BICD1: variants seen among roughly 807,000 people sequenced by gnomAD.
BICD1 encodes the protein BICD cargo adaptor 1, also known as protein bicaudal D homolog 1.
Under a neutral mutation model 92.5 loss-of-function variants are expected in BICD1, and 35 were observed. The ratio of observed to expected loss-of-function variants is 0.38; its 90% confidence interval spans 0.29 to 0.50. BICD1 has a LOEUF of 0.50. Ranked by LOEUF, BICD1 falls within the 20% of genes least tolerant of loss-of-function variation. The pLI is 0.93. For missense variants in BICD1, 950 were observed against 1,189.8 expected (o/e 0.80, Z 2.97); for synonymous variants, 429 against 465.1 (o/e 0.92, Z 1.00).
At chr12:32,254,688 C>A (rs944940475) in intron 2 of BICD1, among the ~76,000 whole-genome samples, 2 of 152,096 alleles carry the variant, frequency 1.3e-5, no homozygotes, top group African/African-American at 2.4e-5. Context: ...CTGAATCGAG[C>A]CTTTGAATTA....
chr12:32,206,769 T>C (rs1362494259), intron 1 of BICD1, among the ~76,000 whole-genome samples: 1 of 152,178 alleles, frequency 6.6e-6, no homozygotes, highest in East Asian at 1.9e-4. Flanking sequence ...ATTATTAATA[T>C]GAAGTATATA....
chr12:32,187,463 G>T (rs1944448514), intron 1 of BICD1, among the ~76,000 whole-genome samples: 2 of 152,124 alleles, frequency 1.3e-5, no homozygotes, highest in Admixed American at 1.3e-4. Flanking sequence ...CACAAGGTCA[G>T]GAGTTGGAGA....
At chr12:32,235,007 C>T (rs534034427) in intron 2 of BICD1, among the ~76,000 whole-genome samples, 113 of 152,220 alleles carry the variant, frequency 7.4e-4, no homozygotes, top group African/African-American at 2.7e-3. Flanking sequence ...CTGAGGCTAT[C>T]ACAATATATA....
intron 2 of BICD1, among the ~76,000 whole-genome samples, chr12:32,242,209 C>T (rs1946255760): frequency 9.5e-6 from 1 of 105,046 alleles, no homozygotes; most frequent in African/African-American, 3.7e-5. Context: ...GAGTGAGACC[C>T]TGTCTCAAAA....
In BICD1 at chr12:32,216,491, TGA is replaced by T. The variant is rs1945367526; in HGVS notation, c.426+36_426+37del. On this transcript the variant is annotated intron_variant, in intron 2 of 9. Coordinates refer to ENST00000652176, the MANE Select transcript of BICD1 (RefSeq NM_001714.4). ...AAACAAATTCCCTATGAGAGATTTG[TGA>T]GAGGGAGAAATAAGAAAGTTCTCTC... The T allele has an allele frequency of 8.1e-6, 13 of 1,599,406 alleles. No homozygotes were observed. In the East Asian group the frequency reaches 2.9e-4, roughly 36 times the overall value.
chr12:32,136,364 C>T (rs932540431), intron 1 of BICD1, among the ~76,000 whole-genome samples: 2 of 152,168 alleles, frequency 1.3e-5, no homozygotes, highest in Non-Finnish European at 2.9e-5. Context: ...AGCTCCAAAC[C>T]AGAAGCAAAA....
At chr12:32,266,945 G>A (rs902714217) in intron 2 of BICD1, among the ~76,000 whole-genome samples, 1 of 152,084 alleles carries the variant, frequency 6.6e-6, no homozygotes, top group African/African-American at 2.4e-5. Context: ...CTCCTTGTGG[G>A]AATTAGAGCC....
Position 32,363,322 on chromosome 12 carries a change from G to A in BICD1, c.2765-4348G>A, listed in dbSNP as rs572902614. Among the ~76,000 whole-genome samples, 14 of 152,206 alleles carry A rather than the reference G, an allele frequency of 9.2e-5. No individual in the cohort carries two copies. The South Asian group carries it at 2.7e-3, about 29-fold the overall frequency. On this transcript the variant is annotated intron_variant, in intron 8 of 9. Coordinates refer to ENST00000652176, the MANE Select transcript of BICD1 (RefSeq NM_001714.4). ...TAGTCCCATCTACTCAGGAGATTGA[G>A]GCAGGAGGATTACTTGAACTCACTG...
chr12:32,198,334 A>ATATATATC (rs1944792282), intron 1 of BICD1, among the ~76,000 whole-genome samples: 1 of 132,166 alleles, frequency 7.6e-6, no homozygotes, highest in African/African-American at 2.9e-5. Context: ...ATCTATCTAT[A>ATATATATC]TATATATATA....
chr12:32,112,244 G>C (rs558950517), intron 1 of BICD1, among the ~76,000 whole-genome samples: 1 of 152,260 alleles, frequency 6.6e-6, no homozygotes, highest in Non-Finnish European at 1.5e-5. Flanking sequence ...GACCTCAGGT[G>C]ATCCGCCTGC....
intron 1 of BICD1, among the ~76,000 whole-genome samples, chr12:32,117,863 G>A (rs1027890593): frequency 6.7e-6 from 1 of 149,068 alleles, no homozygotes. Context: ...CAATTCTCCT[G>A]CCTCAGGCTC....
intron 2 of BICD1, among the ~76,000 whole-genome samples, chr12:32,256,230 T>G (rs965384626): frequency 6.6e-6 from 1 of 152,110 alleles, no homozygotes; most frequent in Non-Finnish European, 1.5e-5. Context: ...TTTTTTAATT[T>G]TTTGAGACGG....
rs746082173 is a variant in BICD1, at chr12:32,327,819, AT to A, written c.1365del (p.Tyr455Ter). On this transcript the variant is annotated frameshift_variant, in exon 5 of 10. Coordinates refer to ENST00000652176, the MANE Select transcript of BICD1 (RefSeq NM_001714.4). LOFTEE classifies it high-confidence loss of function. ...VENYTDEKAK[Y>X]ESKIQMYDEQ... ...AACTACACTGATGAGAAGGCCAAGT[AT>A]GAGAGTAAAATCCAGATGTATGATG... The A allele has an allele frequency of 2.5e-6, 4 of 1,614,148 alleles. No individual in the cohort carries two copies. The highest frequency in any genetic ancestry group is 3.4e-6 in the Non-Finnish European group (4 of 1,180,022).
chr12:32,231,493 A>G (rs1229672181), intron 2 of BICD1, among the ~76,000 whole-genome samples: 2 of 151,972 alleles, frequency 1.3e-5, no homozygotes, highest in African/African-American at 2.4e-5. Context: ...TATTCCCAGA[A>G]TCCAAATGTT....
chr12:32,149,230 T>G (rs1151009), intron 1 of BICD1, among the ~76,000 whole-genome samples: 1 of 139,910 alleles, frequency 7.1e-6, no homozygotes, highest in African/African-American at 2.7e-5. Context: ...AATATAGATC[T>G]TGGGTAATAT....
Position 32,228,842 on chromosome 12 carries a change from TTTC to T in BICD1, c.426+12384_426+12386del, listed in dbSNP as rs541189405. ...TTAGGAAGGAAGGTCAGAAGTTCAG[TTTC>T]GAACATGTTAAGTTTTAAATTTCTA... On this transcript the variant is annotated intron_variant, in intron 2 of 9. Transcript: ENST00000652176. Among the ~76,000 whole-genome samples the T allele has an allele frequency of 9.8e-4, 150 of 152,300 alleles. 3 individuals carry two copies. The highest frequency in any genetic ancestry group is 9.4e-3 in the Admixed American group (143 of 15,290).
intron 2 of BICD1, among the ~76,000 whole-genome samples, chr12:32,237,823 T>C (rs1165634077): frequency 1.3e-5 from 2 of 152,302 alleles, no homozygotes; most frequent in Admixed American, 6.5e-5. Context: ...TCTGAAAGTA[T>C]AAGGAGATGA....
intron 1 of BICD1, among the ~76,000 whole-genome samples, chr12:32,134,797 C>T (rs1391502159): frequency 3.3e-5 from 5 of 152,168 alleles, no homozygotes; most frequent in African/African-American, 7.2e-5. Context: ...GGAGCAATGC[C>T]GACAAGCCTG....
At chr12:32,136,032 A>AG (rs1421714251) in intron 1 of BICD1, among the ~76,000 whole-genome samples, 1 of 152,216 alleles carries the variant, frequency 6.6e-6, no homozygotes, top group African/African-American at 2.4e-5. Context: ...TCATATATAT[A>AG]GGAGTACCTG....
Sources: allele counts gnomAD v4.1 joint callset (sites outside exome capture counted in the v4.1 genomes callset), GRCh38; gene constraint gnomAD v4.1.1; transcripts MANE v1.5; gene names NCBI Gene and HGNC (gene_info 2026-07-23, HGNC 2026-07-21).